The following PRSS38 variants were observed in gnomAD, a reference collection of about 807,000 sequenced individuals.
PRSS38 encodes marapsin 2.
PRSS38 carries 22 observed loss-of-function variants against 26.8 expected under a neutral mutation model. That is an observed-to-expected ratio of 0.82 (90% CI 0.59 to 1.17). The LOEUF (loss-of-function observed/expected upper bound fraction) is 1.17. PRSS38 is among the 50% of genes most tolerant of loss of function. The pLI, the probability that PRSS38 is intolerant of heterozygous loss-of-function variation, is 0.00. For synonymous variants in PRSS38, 175 were observed against 172.1 expected (o/e 1.02, Z -0.13); for missense variants, 427 against 422.7 (o/e 1.01, Z -0.09).
rs773192167 is a variant in PRSS38, at chr1:227,816,293, C to A, written c.311+41C>A. On this transcript the variant is annotated intron_variant, in intron 2 of 4. Coordinates refer to ENST00000366757, the Ensembl canonical transcript of PRSS38. This position sits in a 1 kb window ranked among gnomAD's most constrained non-coding sequence, Gnocchi z 5.1. Reference sequence around the variant, plus strand: ...CCTGGGATGGTGTGGGTAGCTGGGCCTGCACGGAGTGCCCACAGCGGCTTG... The same window carrying A: ...CCTGGGATGGTGTGGGTAGCTGGGCATGCACGGAGTGCCCACAGCGGCTTG... The A allele has an allele frequency of 1.9e-6, 3 of 1,585,136 alleles. No individual in the cohort carries two copies. Among genetic ancestry groups the A allele is most frequent in the Non-Finnish European group, 8.6e-7 (1 of 1,160,362 alleles).
chr1:227,825,785 T>C (rs1665065895), intron 3 of PRSS38, among the ~76,000 whole-genome samples: 1 of 152,188 alleles, frequency 6.6e-6, no homozygotes, highest in South Asian at 2.1e-4. Context: ...ACTGTAGCCT[T>C]ATAGTATCAT....
chr1:227,837,506 G>A (rs1284486768), intron 3 of PRSS38, among the ~76,000 whole-genome samples: 2 of 152,134 alleles, frequency 1.3e-5, no homozygotes, highest in South Asian at 2.1e-4. Context: ...GCTAATAGAC[G>A]TCTGGGTTGC....
chr1:227,844,499 G>A (rs1383764872), intron 3 of PRSS38, among the ~76,000 whole-genome samples: 1 of 151,520 alleles, frequency 6.6e-6, no homozygotes, highest in Non-Finnish European at 1.5e-5. Flanking sequence ...CCCTATGTGT[G>A]GTCAGTGCTC....
chr1:227,842,490 T>A (rs1356217610), intron 3 of PRSS38, among the ~76,000 whole-genome samples: 1 of 152,188 alleles, frequency 6.6e-6, no homozygotes, highest in Non-Finnish European at 1.5e-5. Flanking sequence ...TGGACACCAA[T>A]CCAACAGGGA....
At chr1:227,838,429 G>C (rs566105433) in intron 3 of PRSS38, among the ~76,000 whole-genome samples, 2 of 152,194 alleles carry the variant, frequency 1.3e-5, no homozygotes, top group Non-Finnish European at 2.9e-5. Context: ...GAGCGTTGTA[G>C]TCTAGTGGTC....
At chr1:227,838,660 G>A (rs1005976730) in intron 3 of PRSS38, among the ~76,000 whole-genome samples, 2 of 152,160 alleles carry the variant, frequency 1.3e-5, no homozygotes, top group African/African-American at 4.8e-5. Flanking sequence ...CATGGTGCCA[G>A]GATGTCTTAA....
At chr1:227,835,247 C>T (rs1165406208) in intron 3 of PRSS38, among the ~76,000 whole-genome samples, 1 of 152,128 alleles carries the variant, frequency 6.6e-6, no homozygotes, top group African/African-American at 2.4e-5. Context: ...ATGACATACT[C>T]CCTGCAGAAA....
rs767844399 is a variant in PRSS38, at chr1:227,816,050, C to G, written c.149-40C>G. 2 of 1,588,240 alleles carry G rather than the reference C, an allele frequency of 1.3e-6. No individual in the cohort carries two copies. Among genetic ancestry groups the G allele is most frequent in the Non-Finnish European group, 1.7e-6 (2 of 1,164,772 alleles). ...CCTGCCTGCCCTACCTCTCCCGTGGCCCCAGCATGGCTCCACCGTCAGCTC... is the reference window on the plus strand; with the variant it reads ...CCTGCCTGCCCTACCTCTCCCGTGGGCCCAGCATGGCTCCACCGTCAGCTC... On this transcript the variant is annotated intron_variant, in intron 1 of 4. Coordinates refer to ENST00000366757, the Ensembl canonical transcript of PRSS38. The surrounding 1 kb of genome is among the most constrained non-coding windows in gnomAD (Gnocchi z 5.1).
At chr1:227,818,688 A>C (rs973714524) in intron 3 of PRSS38, among the ~76,000 whole-genome samples, 2 of 151,346 alleles carry the variant, frequency 1.3e-5, no homozygotes, top group South Asian at 2.1e-4. Context: ...AAAAAAAAAA[A>C]AAAAAAAAAA....
intron 3 of PRSS38, among the ~76,000 whole-genome samples, chr1:227,840,109 A>G (rs1665296758): frequency 6.6e-6 from 1 of 152,074 alleles, no homozygotes; most frequent in South Asian, 2.1e-4. Context: ...TGAGCTTAGG[A>G]TGGTTTCTAC....
intron 3 of PRSS38, among the ~76,000 whole-genome samples, chr1:227,832,359 T>C (rs1665165237): frequency 6.6e-6 from 1 of 152,226 alleles, no homozygotes; most frequent in South Asian, 2.1e-4. Context: ...TATATACCTA[T>C]ATACTCTCTT....
At chr1:227,838,950 G>A (rs1439883467) in intron 3 of PRSS38, among the ~76,000 whole-genome samples, 2 of 152,180 alleles carry the variant, frequency 1.3e-5, no homozygotes, top group Non-Finnish European at 2.9e-5. Context: ...CTCCCAAAGT[G>A]CTGGGATTAC....
rs189921587 is a variant in PRSS38, at chr1:227,822,857, A to T, written c.583+5377A>T. Among the ~76,000 whole-genome samples the T allele has an allele frequency of 3.5e-4, 53 of 152,334 alleles. 1 individual carries two copies. Among genetic ancestry groups the T allele is most frequent in the Non-Finnish European group, 1.5e-5 (1 of 68,018 alleles). On this transcript the variant is annotated intron_variant, in intron 3 of 4. Coordinates refer to ENST00000366757, the Ensembl canonical transcript of PRSS38. ...TATGAGCATGTGTCTTACCCTGGGC[A>T]TGTTCATGGCCTTCTAAATTCCCTC...
chr1:227,842,739 C>A (rs548960284), intron 3 of PRSS38, among the ~76,000 whole-genome samples: 1 of 152,062 alleles, frequency 6.6e-6, no homozygotes. Flanking sequence ...TGCTACCACA[C>A]CTAATTTTGT....
chr1:227,832,824 T>C (rs916334296), intron 3 of PRSS38, among the ~76,000 whole-genome samples: 5 of 152,138 alleles, frequency 3.3e-5, no homozygotes, highest in African/African-American at 1.2e-4. Flanking sequence ...ATTTTTAAAA[T>C]CCAGCCAAGT....
intron 3 of PRSS38, among the ~76,000 whole-genome samples, chr1:227,838,362 C>A (rs1264345356): frequency 6.6e-6 from 1 of 152,206 alleles, no homozygotes; most frequent in East Asian, 1.9e-4. Flanking sequence ...CCATGTGTGG[C>A]CCCCGCTGGG....
At chr1:227,821,113 CACTT>C (rs1664997646) in intron 3 of PRSS38, among the ~76,000 whole-genome samples, 1 of 152,120 alleles carries the variant, frequency 6.6e-6, no homozygotes, top group Non-Finnish European at 1.5e-5. Flanking sequence ...AAACCAAACT[CACTT>C]ATGAGTGAGA....
rs1664915306 is a variant in PRSS38 at position 227,816,309 on chromosome 1, C to T, written c.311+57C>T. On this transcript the variant is annotated intron_variant, in intron 2 of 4. Transcript: ENST00000366757. The surrounding 1 kb of genome is among the most constrained non-coding windows in gnomAD (Gnocchi z 5.1). ...TAGCTGGGCCTGCACGGAGTGCCCACAGCGGCTTGGATGGACCCCACGCAA... is the reference window on the plus strand; with the variant it reads ...TAGCTGGGCCTGCACGGAGTGCCCATAGCGGCTTGGATGGACCCCACGCAA... 1 of 1,555,736 alleles carries T rather than the reference C, an allele frequency of 6.4e-7. No individual in the cohort carries two copies. Among genetic ancestry groups the T allele is most frequent in the Non-Finnish European group, 8.8e-7 (1 of 1,140,290 alleles).
At position 227,841,425 on chromosome 1, in the gene PRSS38, C is replaced by T. The variant is rs116143255; in HGVS notation, c.584-4045C>T. ...CACCTCGATGAGAGGAACCGCAAGACATATGGCAGAGGGCACCCATGTGGG... is the reference window on the plus strand; with the variant it reads ...CACCTCGATGAGAGGAACCGCAAGATATATGGCAGAGGGCACCCATGTGGG... On this transcript the variant is annotated intron_variant, in intron 3 of 4. Transcript: ENST00000366757. 9.2e-3 allele frequency among the ~76,000 whole-genome samples: 1,400 copies of T among 152,376 alleles called. 17 individuals carry two copies. Among genetic ancestry groups the T allele is most frequent in the Non-Finnish European group, 0.016 (1,085 of 68,034 alleles).
Sources: gnomAD v4.1 joint callset for allele counts (sites outside exome capture counted in the v4.1 genomes callset) on GRCh38, gnomAD v4.1.1 for gene constraint, Gnocchi (gnomAD v3.1) non-coding constraint, MANE v1.5 for transcripts, NCBI Gene and HGNC (gene_info 2026-07-23, HGNC 2026-07-21) for gene names.